XKR3: variants seen among roughly 807,000 people sequenced by gnomAD.
The protein encoded by XKR3 is XK-related protein 3.
Under a neutral mutation model 40.3 loss-of-function variants are expected in XKR3, and 27 were observed. That is an observed-to-expected ratio of 0.67 (90% CI 0.49 to 0.92). The LOEUF is 0.92. Ranked by LOEUF, XKR3 falls within the 40% of genes least tolerant of loss-of-function variation. XKR3 has a pLI of 0.00. For synonymous variants in XKR3, 193 were observed against 195.4 expected, an observed-to-expected ratio of 0.99 and a Z score of 0.10; for missense variants, 472 against 537.6, an observed-to-expected ratio of 0.88 and a Z score of 1.21.
At chr22:16,818,596 A>G (rs573697863) in intron 1 of XKR3, among the ~76,000 whole-genome samples, 1 of 152,210 alleles carries the variant, frequency 6.6e-6, no homozygotes, top group Admixed American at 6.5e-5. Flanking sequence ...CACCACAGAA[A>G]AAAAACTACT....
chr22:16,819,932 G>C lies in XKR3; in HGVS notation c.-11+5359C>G, dbSNP rs559664386. On this transcript the variant is annotated intron_variant, in intron 1 of 3. Transcript: ENST00000684488. ...GGTACAAAGACATTTCATTAAGAAG[G>C]ATATAAGCATGGGAAATAAATGCAC... Among the ~76,000 whole-genome samples the C allele has an allele frequency of 1.3e-3, 198 of 152,206 alleles. 1 individual carries two copies. Among genetic ancestry groups the C allele is most frequent in the African/African-American group, 4.6e-3 (191 of 41,540 alleles).
Position 16,807,855 on chromosome 22 carries a change from A to T in XKR3, c.219T>A (p.Phe73Leu), listed in dbSNP as rs1267700390. 1.9e-6 allele frequency: 3 copies of T among 1,614,022 alleles called. No individual in the cohort carries two copies. Among genetic ancestry groups the T allele is most frequent in the Non-Finnish European group, 2.5e-6 (3 of 1,179,914 alleles). Residue 73 changes from phenylalanine (F) to leucine (L), a missense_variant, in exon 2 of 4, where the codon TTT becomes TTA. Transcript: ENST00000684488. ...GATCCAAAATTGCCCCCACAATAAT[A>T]AAGCTGATGGTAAATGACATCCAGA... ...DTFWMSFTIS[F>L]IIVGAILDQI...
intron 1 of XKR3, among the ~76,000 whole-genome samples, chr22:16,818,550 C>T (rs986581616): frequency 1.3e-5 from 2 of 152,046 alleles, no homozygotes; most frequent in African/African-American, 2.4e-5. Context: ...TACACAAAAC[C>T]GTTCTATGGA....
chr22:16,806,221 T>C (rs1337942043), intron 2 of XKR3, among the ~76,000 whole-genome samples: 7 of 145,474 alleles, frequency 4.8e-5, no homozygotes, highest in Non-Finnish European at 1.0e-4. Context: ...ATTGTGTCAA[T>C]GCACTCCAGC....
In XKR3 at chr22:16,784,318, G is replaced by C; in HGVS notation, c.681C>G (p.Thr227=). The change falls in exon 4 of 4, where the codon ACC becomes ACG. Residue 227 remains threonine (T), a synonymous_variant. Coordinates refer to ENST00000684488, the MANE Select transcript of XKR3 (RefSeq NM_001386955.1). ...LAIQISNDDT[T]IKLPPIEFFC... is the part of the protein sequence containing the mutation. ...AGAATTCTATCGGCGGTAGCTTAAT[G>C]GTAGTATCATCATTGCTGATCTGGA... 6.8e-6 allele frequency: 11 copies of C among 1,614,206 alleles called. No homozygotes were observed. The highest frequency in any genetic ancestry group is 9.3e-6 in the Non-Finnish European group (11 of 1,180,030).
chr22:16,814,229 A>G (rs1318975913), intron 1 of XKR3, among the ~76,000 whole-genome samples: 2 of 152,136 alleles, frequency 1.3e-5, no homozygotes, highest in Non-Finnish European at 2.9e-5. Flanking sequence ...CAGGGTTCCA[A>G]CTTCACATGA....
intron 3 of XKR3, among the ~76,000 whole-genome samples, chr22:16,786,054 A>C (rs1460325608): frequency 9.2e-5 from 14 of 152,184 alleles, no homozygotes; most frequent in African/African-American, 2.9e-4. Flanking sequence ...AAACATTAGC[A>C]TTGTAACTGC....
At chr22:16,784,961 C>T (rs1311448686) in intron 3 of XKR3, among the ~76,000 whole-genome samples, 1 of 152,150 alleles carries the variant, frequency 6.6e-6, no homozygotes, top group East Asian at 1.9e-4. Context: ...CTGACAGATT[C>T]TGCTGAGTGA....
intron 2 of XKR3, 104 bp downstream of exon 2, chr22:16,807,635 A>G (rs554591719): frequency 1.9e-6 from 2 of 1,078,016 alleles, no homozygotes; most frequent in Non-Finnish European, 2.7e-6. Context: ...GAAATATTTC[A>G]ATTCCGTAAA....
chr22:16,820,961 A>G (rs1331714687), intron 1 of XKR3, among the ~76,000 whole-genome samples: 4 of 152,122 alleles, frequency 2.6e-5, no homozygotes. Context: ...CCATTTGAAA[A>G]CTAAAACACA....
chr22:16,824,324 C>T (rs1284519873), intron 1 of XKR3, among the ~76,000 whole-genome samples: 1 of 151,844 alleles, frequency 6.6e-6, no homozygotes, highest in Non-Finnish European at 1.5e-5. Context: ...TGTTTTTCCC[C>T]AAATAATGTC....
At chr22:16,806,731 C>T (rs562331413) in intron 2 of XKR3, among the ~76,000 whole-genome samples, 1 of 152,122 alleles carries the variant, frequency 6.6e-6, no homozygotes, top group African/African-American at 2.4e-5. Flanking sequence ...AGCCACCACA[C>T]CCAACCTACA....
In XKR3 at chr22:16,815,557, C is replaced by A. The variant is rs149317338; in HGVS notation, c.-10-7474G>T. Among the ~76,000 whole-genome samples the A allele has an allele frequency of 3.8e-3, 583 of 152,044 alleles. 2 individuals are homozygous for A. The highest frequency in any genetic ancestry group is 0.014 in the African/African-American group (567 of 41,538). ...ATCTATCTAAAACTTGTTGAGATCA[C>A]ATTTTTGAACCAAGTAAATCATCAT... On this transcript the variant is annotated intron_variant, in intron 1 of 3. Transcript: ENST00000684488.
chr22:16,789,365 C>T (rs1363298014), intron 3 of XKR3, among the ~76,000 whole-genome samples: 2 of 151,792 alleles, frequency 1.3e-5, no homozygotes, highest in East Asian at 1.9e-4. Context: ...TATACTAATA[C>T]GAAAATGTCT....
At chr22:16,824,896 G>A (rs1407760216) in intron 1 of XKR3, among the ~76,000 whole-genome samples, 1 of 152,186 alleles carries the variant, frequency 6.6e-6, no homozygotes, top group Non-Finnish European at 1.5e-5. Flanking sequence ...TGAAGTCACT[G>A]AACAATGGAA....
chr22:16,814,377 G>A (rs1456868341), intron 1 of XKR3, among the ~76,000 whole-genome samples: 1 of 152,092 alleles, frequency 6.6e-6, no homozygotes, highest in Admixed American at 6.5e-5. Context: ...TTTCATTGGT[G>A]TATTGTGTCA....
chr22:16,812,966 C>T (rs1414539944), intron 1 of XKR3, among the ~76,000 whole-genome samples: 1 of 152,104 alleles, frequency 6.6e-6, no homozygotes, highest in Non-Finnish European at 1.5e-5. Context: ...CTTCATGGAG[C>T]TGTGTATAAC....
chr22:16,814,671 T>C lies in XKR3; in HGVS notation c.-10-6588A>G, dbSNP rs138010951. 3.7e-3 allele frequency among the ~76,000 whole-genome samples: 556 copies of C among 152,298 alleles called. 5 individuals are homozygous for C. The highest frequency in any genetic ancestry group is 0.013 in the African/African-American group (537 of 41,570). Reference sequence around the variant, plus strand: ...ACAATATTTTAGAGTTATTAGATTATAATGTTTGCACATTTGTTAAATTCA... The same window carrying C: ...ACAATATTTTAGAGTTATTAGATTACAATGTTTGCACATTTGTTAAATTCA... On this transcript the variant is annotated intron_variant, in intron 1 of 3. Coordinates refer to ENST00000684488, the MANE Select transcript of XKR3 (RefSeq NM_001386955.1).
intron 3 of XKR3, among the ~76,000 whole-genome samples, chr22:16,794,758 C>A (rs1247532643): frequency 4.5e-4 from 68 of 152,186 alleles, no homozygotes; most frequent in Non-Finnish European, 9.1e-4. Flanking sequence ...AAAAGACAAA[C>A]CCAACCATCT....
Sources: gnomAD v4.1 joint callset for allele counts (sites outside exome capture counted in the v4.1 genomes callset) on GRCh38, gnomAD v4.1.1 for gene constraint, MANE v1.5 for transcripts, NCBI Gene and HGNC (gene_info 2026-07-23, HGNC 2026-07-21) for gene names.